Variants in CNTROB observed in about 807,000 individuals in gnomAD.
The protein encoded by CNTROB is centrobin, centriole duplication and spindle assembly protein.
CNTROB carries 82 observed loss-of-function variants against 115.7 expected under a neutral mutation model. That is an observed-to-expected ratio of 0.71 (90% CI 0.59 to 0.85). The LOEUF is 0.85. Among genes scored for constraint, CNTROB ranks in the 40% least tolerant of loss-of-function variants. The pLI, the probability that CNTROB is intolerant of heterozygous loss-of-function variation, is 0.00. For missense variants in CNTROB, 1,014 were observed against 1,144.4 expected (o/e 0.89, Z 1.64); for synonymous variants, 439 against 456.4 (o/e 0.96, Z 0.49).
Position 7,948,182 on chromosome 17 carries a change from G to A in CNTROB, c.2235G>A (p.Glu745=). ...KSGPLTVPSW[E]EAPQVPRIPP... is the part of the protein sequence containing the mutation. ...GTCCTCTGACTGTCCCATCTTGGGA[G>A]GAAGCCCCTCAAGTGCCACGTATTC... Residue 745 remains glutamate (E), a synonymous_variant, in exon 16 of 19, where the codon GAG becomes GAA. Transcript: ENST00000563694. The surrounding 1 kb of genome is among the most constrained non-coding windows in gnomAD (Gnocchi z 4.4). 1.9e-6 allele frequency: 3 copies of A among 1,614,142 alleles called. No homozygotes were observed. The East Asian group carries it at 6.7e-5, about 36-fold the overall frequency.
rs1974108822 is a variant in CNTROB, at chr17:7,943,080, C to T, written c.1312-311C>T. ...CCTCCCAAAGTGCTAGGATTACAGG[C>T]GTGAGCCACCGCGCCCAGCCTCAGG... On this transcript the variant is annotated intron_variant, in intron 9 of 18. Coordinates refer to ENST00000563694, the MANE Select transcript of CNTROB (RefSeq NM_053051.5). This position sits in a 1 kb window ranked among gnomAD's most constrained non-coding sequence, Gnocchi z 4.7. Among the ~76,000 whole-genome samples, 2 of 152,082 alleles carry T rather than the reference C, an allele frequency of 1.3e-5. No homozygotes were observed. The highest frequency in any genetic ancestry group is 2.1e-4 in the South Asian group (1 of 4,812).
intron 4 of CNTROB, 44 bp from the exon 5 acceptor site, chr17:7,936,320 CAT>C (rs1567911076): frequency 1.2e-6 from 1 of 834,352 alleles, no homozygotes; most frequent in Non-Finnish European, 2.1e-6. Flanking sequence ...GTGCTGTGGT[CAT>C]ACCAAAGATG....
In CNTROB at chr17:7,943,148, C is replaced by T. The variant is rs1453045704; in HGVS notation, c.1312-243C>T. Among the ~76,000 whole-genome samples, 3 of 152,020 alleles carry T rather than the reference C, an allele frequency of 2.0e-5. No homozygotes were observed. The highest frequency in any genetic ancestry group is 6.6e-5 in the Admixed American group (1 of 15,250). The stretch of plus-strand genomic sequence containing the variant: ...CGTAGAATGGATTTGATTGCTCTGT[C>T]GAACATTTATTTTAGCTAAGAAATT... On this transcript the variant is annotated intron_variant, in intron 9 of 18. Transcript: ENST00000563694. This position sits in a 1 kb window ranked among gnomAD's most constrained non-coding sequence, Gnocchi z 4.7.
At chr17:7,934,666 GC>G (rs1972931450) in intron 3 of CNTROB, 120 bp downstream of exon 3, 1 of 885,880 alleles carries the variant, frequency 1.1e-6, no homozygotes, top group Admixed American at 2.2e-5. Flanking sequence ...CTTATCACTT[GC>G]CTTTCAGTTT....
intron 6 of CNTROB, 61 bp downstream of exon 6, chr17:7,936,878 G>T: frequency 2.4e-6 from 2 of 830,558 alleles, no homozygotes; most frequent in South Asian, 1.3e-5. Flanking sequence ...ATGGAAAGGG[G>T]CAGAAATAGC....
chr17:7,934,648 C>A, intron 3 of CNTROB, 102 bp downstream of exon 3: 1 of 1,015,956 alleles, frequency 9.8e-7, no homozygotes, highest in Non-Finnish European at 1.5e-6. Flanking sequence ...TCTTAAGAAC[C>A]CAAGAGGCTT....
At chr17:7,941,155 C>T (rs1308362689) in intron 9 of CNTROB, among the ~76,000 whole-genome samples, 2 of 151,838 alleles carry the variant, frequency 1.3e-5, no homozygotes, top group Non-Finnish European at 1.5e-5. Context: ...CTACTTCTAG[C>T]TAGAATTTTG....
intron 12 of CNTROB, chr17:7,945,238 G>A (rs1181533338): frequency 6.6e-6 from 1 of 152,158 alleles, no homozygotes; most frequent in Non-Finnish European, 1.5e-5. Flanking sequence ...CAGGTGTGGT[G>A]GTGCGCCTGT....
Position 7,932,359 on chromosome 17 carries a change from G to T in CNTROB, c.-721G>T. 1 of 166,662 alleles carries T rather than the reference G, an allele frequency of 6.0e-6. No homozygotes were observed. The highest frequency in any genetic ancestry group is 1.3e-5 in the Non-Finnish European group (1 of 76,334). The allele number at this position is 166,662 out of a possible 1,614,324, so 10.3% of individuals were successfully genotyped here. A position where few individuals can be genotyped will look rare whatever the true frequency, so the allele number is the denominator to read the frequency against. On this transcript the variant is annotated 5_prime_UTR_variant, in exon 1 of 19. Coordinates refer to ENST00000563694, the MANE Select transcript of CNTROB (RefSeq NM_053051.5). ...AGTAGGCGGAACCAGGTGGTCGTCG[G>T]GGCAGAGGATCTCGGGCTAGGCTTG...
rs745949694 is a variant in CNTROB at position 7,934,159 on chromosome 17, G to T, written c.292G>T (p.Glu98Ter). The T allele has an allele frequency of 1.2e-6, 2 of 1,614,030 alleles. No homozygotes were observed. ...KKKDGSKHIF[E>*]MESVRGQLQT... ...CCAGGATGGTTCTAAGCATATCTTT[G>T]AGATGGAAAGTGTTCGGGGTCAGCT... is the stretch of plus-strand genomic sequence containing the variant. The change falls in exon 2 of 19, where the codon GAG becomes TAG. Residue 98 changes from glutamate to a stop codon, truncating the protein, a stop_gained. Coordinates refer to ENST00000563694, the MANE Select transcript of CNTROB (RefSeq NM_053051.5). LOFTEE classifies it high-confidence loss of function.
At chr17:7,938,743 T>TA (rs1256397100) in intron 7 of CNTROB, among the ~76,000 whole-genome samples, 1 of 152,196 alleles carries the variant, frequency 6.6e-6, no homozygotes, top group Non-Finnish European at 1.5e-5. Flanking sequence ...CAGGAACTCT[T>TA]ATCTACTATA....
chr17:7,943,846 G>A lies in CNTROB; in HGVS notation c.1446-277G>A, dbSNP rs532325051. ...GTGCTGTCTCCAGAGCTGCTCTGTC[G>A]GACTGAGCCTCCTCGCAGCCTGGCC... On this transcript the variant is annotated intron_variant, in intron 10 of 18. Coordinates refer to ENST00000563694, the MANE Select transcript of CNTROB (RefSeq NM_053051.5). This position sits in a 1 kb window ranked among gnomAD's most constrained non-coding sequence, Gnocchi z 4.7. 5.9e-5 allele frequency among the ~76,000 whole-genome samples: 9 copies of A among 152,248 alleles called. No homozygotes were observed. Among genetic ancestry groups the A allele is most frequent in the East Asian group, 1.9e-4 (1 of 5,178 alleles).
Position 7,933,210 on chromosome 17 carries a change from T to C in CNTROB, c.131T>C (p.Leu44Pro). The change falls in exon 1 of 19, where the codon CTC becomes CCC. Residue 44 changes from leucine (L) to proline (P), a missense_variant. By Grantham distance (98) the Leu-to-Pro change is moderately conservative. Transcript: ENST00000563694. ...VTSQLYASLR[L>P]SRQAEATARA... is the part of the protein sequence containing the mutation. Reference sequence around the variant, plus strand: ...TCCCAGCTCTATGCTTCTTTGCGCCTCAGCCGGCAGGCGGAGGCCACGGCC... The same window carrying C: ...TCCCAGCTCTATGCTTCTTTGCGCCCCAGCCGGCAGGCGGAGGCCACGGCC... 6.2e-7 allele frequency: 1 copy of C among 1,614,184 alleles called. No individual in the cohort carries two copies. The highest frequency in any genetic ancestry group is 8.5e-7 in the Non-Finnish European group (1 of 1,180,042).
chr17:7,936,325 C>A, intron 4 of CNTROB, 41 bp from the exon 5 acceptor site: 1 of 862,626 alleles, frequency 1.2e-6, no homozygotes, highest in South Asian at 1.3e-5. Flanking sequence ...GTGGTCATAC[C>A]AAAGATGGGC....
Position 7,933,162 on chromosome 17 carries a change from A to T in CNTROB, c.83A>T (p.Asn28Ile). The change falls in exon 1 of 19, where the codon AAC becomes ATC. Residue 28 changes from asparagine (N) to isoleucine (I), a missense_variant. By Grantham distance (149) the Asn-to-Ile change is moderately radical. Coordinates refer to ENST00000563694, the MANE Select transcript of CNTROB (RefSeq NM_053051.5). ...GATTCATCAGAACCCCCTGGGCTCA[A>T]CCAAGTGTCGTCTGAAGTGACCTCC... ...LSDSSEPPGL[N>I]QVSSEVTSQL... 1.2e-6 allele frequency: 2 copies of T among 1,614,188 alleles called. No homozygotes were observed. The highest frequency in any genetic ancestry group is 4.5e-5 in the East Asian group (2 of 44,882).
At chr17:7,946,950 G>A (rs1031573342) in intron 13 of CNTROB, among the ~76,000 whole-genome samples, 5 of 151,966 alleles carry the variant, frequency 3.3e-5, no homozygotes, top group African/African-American at 1.2e-4. Context: ...CACAAGGTCA[G>A]GATATCGAGA....
At position 7,943,479 on chromosome 17, in the gene CNTROB, A is replaced by G; in HGVS notation, c.1400A>G (p.Gln467Arg). The G allele has an allele frequency of 6.2e-7, 1 of 1,613,782 alleles. No individual in the cohort carries two copies. The highest frequency in any genetic ancestry group is 8.5e-7 in the Non-Finnish European group (1 of 1,179,834). Residue 467 changes from glutamine (Q) to arginine (R), a missense_variant, in exon 10 of 19, where the codon CAG becomes CGG. By Grantham distance (43) the Gln-to-Arg change is conservative. Transcript: ENST00000563694. The surrounding 1 kb of genome is among the most constrained non-coding windows in gnomAD (Gnocchi z 4.7). Reference protein sequence around the residue: ...QRVTERLAQAQESSLRQAASL... With the variant: ...QRVTERLAQARESSLRQAASL... The stretch of plus-strand genomic sequence containing the variant: ...GTGACAGAGCGGCTGGCGCAGGCTC[A>G]GGAGAGCAGCCTACGGCAAGCAGCC...
rs1431772937 is a variant in CNTROB, at chr17:7,943,298, A to G, written c.1312-93A>G. ...CTTGTTCTTCATCTCATATGAGGGG[A>G]AAGTTGGTACTGGATTTTGTCTACA... On this transcript the variant is annotated intron_variant, in intron 9 of 18. Coordinates refer to ENST00000563694, the MANE Select transcript of CNTROB (RefSeq NM_053051.5). The surrounding 1 kb of genome is among the most constrained non-coding windows in gnomAD (Gnocchi z 4.7). The G allele has an allele frequency of 1.1e-6, 1 of 877,418 alleles. No homozygotes were observed. Among genetic ancestry groups the G allele is most frequent in the African/African-American group, 1.7e-5 (1 of 59,008 alleles). 54.4% of individuals were successfully genotyped at this position (877,418 alleles called of 1,614,324 possible).
chr17:7,949,174 CA>C lies in CNTROB; in HGVS notation c.2586+18del, dbSNP rs918560193. 1.9e-6 allele frequency: 3 copies of C among 1,612,082 alleles called. No individual in the cohort carries two copies. The African/African-American group carries it at 4.0e-5, about 22-fold the overall frequency. ...CGGAAAGAGGTGAGGGAAAGTCAGG[CA>C]GGGACCAGGGGAGAAAAGGGCTCTC... is the stretch of plus-strand genomic sequence containing the variant. On this transcript the variant is annotated intron_variant, in intron 18 of 18. Transcript: ENST00000563694.
Sources: gnomAD v4.1 joint callset for allele counts (sites outside exome capture counted in the v4.1 genomes callset) on GRCh38, gnomAD v4.1.1 for gene constraint, Gnocchi (gnomAD v3.1) non-coding constraint, MANE v1.5 for transcripts, NCBI Gene and HGNC (gene_info 2026-07-23, HGNC 2026-07-21) for gene names.